MANBA: variants seen among roughly 807,000 people sequenced by gnomAD.
MANBA encodes mannosidase beta.
In MANBA, 83 loss-of-function variants were observed where a neutral mutation model predicts 111.1. That is an observed-to-expected ratio of 0.75 (90% CI 0.63 to 0.90). The LOEUF (loss-of-function observed/expected upper bound fraction) is 0.90, where lower values mean the gene tolerates loss of function less well. MANBA is among the 40% of genes least tolerant of loss of function. MANBA has a pLI of 0.00. For synonymous variants in MANBA, 370 were observed against 378.7 expected (o/e 0.98, Z 0.27); for missense variants, 1,036 against 1,069.0 (o/e 0.97, Z 0.43).
intron 1 of MANBA, among the ~76,000 whole-genome samples, chr4:102,743,812 C>T (rs1344358930): frequency 6.6e-6 from 1 of 152,160 alleles, no homozygotes; most frequent in Admixed American, 6.5e-5. Context: ...CACCAAAGCC[C>T]AGTAACAGGC....
rs866309062 is a variant in MANBA at position 102,689,659 on chromosome 4, G to A, written c.875C>T (p.Pro292Leu). 2 of 1,605,282 alleles carry A rather than the reference G, an allele frequency of 1.2e-6. No individual in the cohort carries two copies. Among genetic ancestry groups the A allele is most frequent in the African/African-American group, 1.3e-5 (1 of 74,578 alleles). ...SKNITVETWW[P>L]HGHGNQTGYN... is the part of the protein sequence containing the mutation. ...CCCAGTCTGGTTTCCATGTCCATGA[G>A]GCCACCAAGTTTCTACAGTAATATT... The change falls in exon 7 of 17, where the codon CCT becomes CTT. Residue 292 changes from proline to leucine, a missense_variant. By Grantham distance (98) the Pro-to-Leu change is moderately conservative. Transcript: ENST00000647097.
chr4:102,673,134 G>A (rs914863162), intron 8 of MANBA, among the ~76,000 whole-genome samples: 16 of 151,864 alleles, frequency 1.1e-4, no homozygotes, highest in African/African-American at 2.9e-4. Context: ...CCACAACCGC[G>A]CCTCCACTAC....
chr4:102,688,842 G>A (rs996574079), intron 7 of MANBA, among the ~76,000 whole-genome samples: 3 of 152,172 alleles, frequency 2.0e-5, no homozygotes, highest in African/African-American at 7.2e-5. Flanking sequence ...GAAGAAGAAT[G>A]TCAGAGGAAA....
chr4:102,688,691 T>C (rs1172092582), intron 7 of MANBA, among the ~76,000 whole-genome samples: 2 of 152,220 alleles, frequency 1.3e-5, no homozygotes, highest in African/African-American at 4.8e-5. Context: ...GTCCCTATTT[T>C]ACATATTTTG....
At chr4:102,642,848 C>T (rs529747607) in intron 13 of MANBA, among the ~76,000 whole-genome samples, 1 of 152,250 alleles carries the variant, frequency 6.6e-6, no homozygotes, top group African/African-American at 2.4e-5. Flanking sequence ...CACCCCAACC[C>T]CTGGGACTTT....
intron 14 of MANBA, among the ~76,000 whole-genome samples, 174 bp downstream of exon 14, chr4:102,639,539 G>T (rs1340548224): frequency 6.6e-6 from 1 of 152,162 alleles, no homozygotes; most frequent in East Asian, 1.9e-4. Context: ...CTCATGGAAA[G>T]GCTACTAAGG....
chr4:102,732,308 T>C (rs1723059627), intron 1 of MANBA, among the ~76,000 whole-genome samples: 1 of 152,168 alleles, frequency 6.6e-6, no homozygotes. Flanking sequence ...ATGAACAATA[T>C]ATAGAAGGGA....
At chr4:102,738,529 A>T (rs759162522) in intron 1 of MANBA, among the ~76,000 whole-genome samples, 4 of 152,214 alleles carry the variant, frequency 2.6e-5, no homozygotes, top group Admixed American at 6.5e-5. Flanking sequence ...GCTCTCAGAA[A>T]TCCCCGTCCC....
At position 102,631,389 on chromosome 4, in the gene MANBA, G is replaced by T; in HGVS notation, c.*668C>A. 5.5e-6 allele frequency: 1 copy of T among 183,194 alleles called. No individual in the cohort carries two copies. Among genetic ancestry groups the T allele is most frequent in the Non-Finnish European group, 1.1e-5 (1 of 89,402 alleles). The allele number at this position is 183,194 out of a possible 1,614,324, so 11.3% of individuals were successfully genotyped here. ...TCTTCAAACTCTCCCAGTTTACCAAGCAGAATAATAACGAGAACTAAATGG... is the reference window on the plus strand; with the variant it reads ...TCTTCAAACTCTCCCAGTTTACCAATCAGAATAATAACGAGAACTAAATGG... On this transcript the variant is annotated 3_prime_UTR_variant, in exon 17 of 17. Transcript: ENST00000647097.
chr4:102,655,863 G>A (rs1730536048), intron 12 of MANBA, among the ~76,000 whole-genome samples: 1 of 152,004 alleles, frequency 6.6e-6, no homozygotes, highest in African/African-American at 2.4e-5. Flanking sequence ...CCACAGACTG[G>A]GAGAAAATAT....
At chr4:102,735,331 A>C (rs1723175969) in intron 1 of MANBA, among the ~76,000 whole-genome samples, 1 of 151,982 alleles carries the variant, frequency 6.6e-6, no homozygotes, top group Non-Finnish European at 1.5e-5. Context: ...TCAACCCTTC[A>C]ACCCATCATA....
At position 102,729,487 on chromosome 4, in the gene MANBA, T is replaced by G. The variant is rs1218850441; in HGVS notation, c.178-2804A>C. ...GGACTGCAGCTCCTGGATCTCCTCT[T>G]CATACAGCTGCTTGAGGAAATTGAT... On this transcript the variant is annotated intron_variant, in intron 1 of 16. Coordinates refer to ENST00000647097, the MANE Select transcript of MANBA (RefSeq NM_005908.4). The G allele has an allele frequency of 2.2e-5, 23 of 1,065,602 alleles. 1 individual carries two copies. In the South Asian group the frequency reaches 3.0e-4, roughly 14 times the overall value. 66.0% of individuals were successfully genotyped at this position (1,065,602 alleles called of 1,614,324 possible).
chr4:102,698,114 A>C (rs1272934735), intron 5 of MANBA, among the ~76,000 whole-genome samples: 3,774 of 151,528 alleles, frequency 0.025, 97 homozygotes, highest in African/African-American at 0.07. Flanking sequence ...GCCAGTGATG[A>C]TGAGCATTTT....
At chr4:102,705,398 C>T (rs1037902703) in intron 5 of MANBA, among the ~76,000 whole-genome samples, 4 of 152,138 alleles carry the variant, frequency 2.6e-5, no homozygotes, top group Non-Finnish European at 5.9e-5. Flanking sequence ...GCTTAATAGC[C>T]CCTACATCTC....
In MANBA at chr4:102,748,877, C is replaced by T. The variant is rs141931379; in HGVS notation, c.177+11841G>A. ...GCAGTGAGGCGAGATCGTGCCATTGCACTCCAGCCTGGGTGACAAAGCAAG... is the reference window on the plus strand; with the variant it reads ...GCAGTGAGGCGAGATCGTGCCATTGTACTCCAGCCTGGGTGACAAAGCAAG... On this transcript the variant is annotated intron_variant, in intron 1 of 16. Transcript: ENST00000647097. Among the ~76,000 whole-genome samples the T allele has an allele frequency of 9.2e-3, 1,399 of 152,064 alleles. 54 individuals are homozygous for T. The East Asian group carries it at 0.092, about 10-fold the overall frequency.
intron 15 of MANBA, among the ~76,000 whole-genome samples, 200 bp from the exon 16 acceptor site, chr4:102,635,245 T>G (rs747994303): frequency 6.6e-6 from 1 of 152,156 alleles, no homozygotes; most frequent in Non-Finnish European, 1.5e-5. Flanking sequence ...ATATGTAGAA[T>G]GAAAATAACA....
chr4:102,664,885 AAG>A (rs761677061), intron 10 of MANBA, 33 bp from the exon 11 acceptor site: 41 of 1,502,262 alleles, frequency 2.7e-5, no homozygotes, highest in Non-Finnish European at 4.6e-6. Flanking sequence ...ATGATTTTCA[AAG>A]AGTTAACATA....
At chr4:102,677,507 T>C (rs143492762) in intron 7 of MANBA, among the ~76,000 whole-genome samples, 7 of 152,296 alleles carry the variant, frequency 4.6e-5, no homozygotes, top group African/African-American at 7.2e-5. Flanking sequence ...TCACATAATA[T>C]GGGTAAAGAA....
intron 7 of MANBA, among the ~76,000 whole-genome samples, chr4:102,676,697 T>A (rs551464298): frequency 6.6e-6 from 1 of 152,324 alleles, no homozygotes; most frequent in African/African-American, 2.4e-5. Context: ...AAAAAACTTC[T>A]TTTCTGTGAA....
Sources: allele counts gnomAD v4.1 joint callset (sites outside exome capture counted in the v4.1 genomes callset), GRCh38; gene constraint gnomAD v4.1.1; transcripts MANE v1.5; gene names NCBI Gene and HGNC (gene_info 2026-07-23, HGNC 2026-07-21).